The following NELL1 variants were observed in gnomAD, a reference collection of about 807,000 sequenced individuals.
The protein encoded by NELL1 is protein kinase C-binding protein NELL1.
Under a neutral mutation model 107.4 loss-of-function variants are expected in NELL1, and 76 were observed. The ratio of observed to expected loss-of-function variants is 0.71; its 90% CI spans 0.59 to 0.86. NELL1 has a LOEUF of 0.86. Ranked by LOEUF, NELL1 falls within the 40% of genes least tolerant of loss-of-function variation. The pLI is 0.00. For synonymous variants in NELL1, 353 were observed against 341.2 expected (o/e 1.03, Z -0.38); for missense variants, 1,024 against 1,005.5 (o/e 1.02, Z -0.25).
intron 15 of NELL1, among the ~76,000 whole-genome samples, chr11:21,514,384 T>G (rs1855507910): frequency 6.6e-6 from 1 of 152,130 alleles, no homozygotes; most frequent in African/African-American, 2.4e-5. Flanking sequence ...ATTTAGAAAT[T>G]TTGTTGCCCT....
intron 5 of NELL1, among the ~76,000 whole-genome samples, chr11:20,915,713 A>ATTTTTTTTT: frequency 1.7e-5 from 1 of 57,722 alleles, no homozygotes; most frequent in African/African-American, 9.9e-5. Flanking sequence ...ATATATATAT[A>ATTTTTTTTT]TATATTTTTT....
At chr11:20,866,536 T>A (rs1352938738) in intron 4 of NELL1, among the ~76,000 whole-genome samples, 1 of 152,234 alleles carries the variant, frequency 6.6e-6, no homozygotes, top group Non-Finnish European at 1.5e-5. Flanking sequence ...ATTTCTGGCC[T>A]TTTGTTTTTC....
chr11:20,966,244 A>G (rs150198907), intron 12 of NELL1, among the ~76,000 whole-genome samples: 238 of 152,290 alleles, frequency 1.6e-3, no homozygotes, highest in African/African-American at 5.4e-3. Flanking sequence ...CTTTTGATTC[A>G]TCATCACAGG....
chr11:21,544,116 A>ACGG (rs1856368612), intron 16 of NELL1, among the ~76,000 whole-genome samples: 1 of 152,042 alleles, frequency 6.6e-6, no homozygotes, highest in Admixed American at 6.6e-5. Context: ...ATACAGGCAT[A>ACGG]TGGGGAGCCA....
chr11:20,704,185 C>A (rs1471177267), intron 2 of NELL1, among the ~76,000 whole-genome samples: 4 of 152,174 alleles, frequency 2.6e-5, no homozygotes, highest in Non-Finnish European at 5.9e-5. Context: ...AATCTGGGAG[C>A]TGCTGTATTG....
intron 2 of NELL1, among the ~76,000 whole-genome samples, chr11:20,767,925 A>G (rs1379780523): frequency 6.6e-6 from 1 of 152,204 alleles, no homozygotes; most frequent in Non-Finnish European, 1.5e-5. Flanking sequence ...ATTGTAATAT[A>G]TACTATGAAG....
At chr11:21,232,273 T>G (rs992145450) in intron 14 of NELL1, among the ~76,000 whole-genome samples, 1 of 146,712 alleles carries the variant, frequency 6.8e-6, no homozygotes, top group African/African-American at 2.5e-5. Context: ...GAGGTTGCAG[T>G]GAGCCGAGAT....
At chr11:20,694,694 T>G (rs552149537) in intron 2 of NELL1, among the ~76,000 whole-genome samples, 2 of 152,166 alleles carry the variant, frequency 1.3e-5, no homozygotes, top group South Asian at 4.1e-4. Flanking sequence ...AGTTTGGTAA[T>G]AGAAAATATA....
At chr11:20,859,885 C>T (rs1848948659) in intron 4 of NELL1, among the ~76,000 whole-genome samples, 1 of 152,154 alleles carries the variant, frequency 6.6e-6, no homozygotes, top group Admixed American at 6.5e-5. Flanking sequence ...TACATAATGA[C>T]TTAACACTGC....
intron 16 of NELL1, among the ~76,000 whole-genome samples, chr11:21,550,201 A>T (rs1274623735): frequency 3.3e-5 from 5 of 151,852 alleles, no homozygotes; most frequent in Non-Finnish European, 4.4e-5. Flanking sequence ...CATTAGAAAA[A>T]ATGTTAGTGT....
chr11:21,031,823 C>T (rs1024145724), intron 12 of NELL1, among the ~76,000 whole-genome samples: 3 of 151,826 alleles, frequency 2.0e-5, no homozygotes, highest in African/African-American at 4.8e-5. Context: ...GCGAGGCAGG[C>T]GGATCACCTG....
chr11:20,748,895 T>TCCAC (rs1207730502), intron 2 of NELL1, among the ~76,000 whole-genome samples: 4,308 of 140,702 alleles, frequency 0.031, 81 homozygotes, highest in East Asian at 0.046. Flanking sequence ...CATCCATCCA[T>TCCAC]CCATCCACCC....
At chr11:20,703,324 T>G (rs1177175820) in intron 2 of NELL1, among the ~76,000 whole-genome samples, 3 of 152,228 alleles carry the variant, frequency 2.0e-5, no homozygotes, top group African/African-American at 7.2e-5. Context: ...GTAGTTTGTA[T>G]TTCTGTGGGA....
intron 2 of NELL1, among the ~76,000 whole-genome samples, chr11:20,700,651 G>A (rs34391252): frequency 6.6e-6 from 1 of 151,614 alleles, no homozygotes; most frequent in Non-Finnish European, 1.5e-5. Flanking sequence ...AATGCTATCT[G>A]TCCCCCCTTC....
In NELL1 at chr11:21,534,455, A is replaced by G; in HGVS notation, c.1727A>G (p.Glu576Gly). Residue 576 changes from glutamate to glycine, a missense_variant, in exon 16 of 20, where the codon GAG becomes GGG. Coordinates refer to ENST00000357134, the MANE Select transcript of NELL1 (RefSeq NM_006157.5). ...CVNLPGWYHCECRSGFHDDGT... is the reference protein window; with the variant it reads ...CVNLPGWYHCGCRSGFHDDGT... ...AACCTGCCAGGGTGGTACCACTGTG[A>G]GTGCAGAAGCGGTTTCCATGACGAT... is the stretch of plus-strand genomic sequence containing the variant. 6.2e-7 allele frequency: 1 copy of G among 1,613,902 alleles called. No individual in the cohort carries two copies. Among genetic ancestry groups the G allele is most frequent in the Non-Finnish European group, 8.5e-7 (1 of 1,179,848 alleles).
chr11:21,553,909 A>G (rs1225004688), intron 16 of NELL1, among the ~76,000 whole-genome samples: 4 of 151,914 alleles, frequency 2.6e-5, no homozygotes, highest in Non-Finnish European at 5.9e-5. Context: ...GACATTAAAC[A>G]ATATAATGGC....
At chr11:21,298,977 C>T (rs1018216312) in intron 14 of NELL1, among the ~76,000 whole-genome samples, 1 of 151,978 alleles carries the variant, frequency 6.6e-6, no homozygotes, top group Non-Finnish European at 1.5e-5. Context: ...ACTGAAGTTA[C>T]TAGCATTACT....
At chr11:21,278,248 T>G (rs1325595682) in intron 14 of NELL1, among the ~76,000 whole-genome samples, 3 of 152,192 alleles carry the variant, frequency 2.0e-5, no homozygotes, top group Admixed American at 2.0e-4. Flanking sequence ...ATATCCCCTC[T>G]TACCACTGTT....
chr11:21,334,269 C>T (rs951757736), intron 14 of NELL1, among the ~76,000 whole-genome samples: 9 of 151,922 alleles, frequency 5.9e-5, no homozygotes, highest in African/African-American at 2.2e-4. Context: ...GAGTCTAAAA[C>T]TATTTTGGTA....
Sources: allele counts gnomAD v4.1 joint callset (sites outside exome capture counted in the v4.1 genomes callset), GRCh38; gene constraint gnomAD v4.1.1; transcripts MANE v1.5; gene names NCBI Gene and HGNC (gene_info 2026-07-23, HGNC 2026-07-21).